RTTN: variants seen among roughly 807,000 people sequenced by gnomAD.
The protein encoded by RTTN is rotatin.
A neutral mutation model predicts 269.2 loss-of-function variants in RTTN; 182 were observed. That is an observed-to-expected ratio of 0.68 (90% CI 0.60 to 0.76). The LOEUF (loss-of-function observed/expected upper bound fraction) is 0.76, where lower values mean the gene tolerates loss of function less well. Among genes scored for constraint, RTTN ranks in the 30% least tolerant of loss-of-function variants. The pLI, the probability that RTTN is intolerant of heterozygous loss-of-function variation, is 0.00. For missense variants in RTTN, 2,545 were observed against 2,608.6 expected (o/e 0.98, Z 0.53); for synonymous variants, 1,006 against 963.5 (o/e 1.04, Z -0.82).
chr18:70,027,718 G>T lies in RTTN; in HGVS notation c.5823+1006C>A, dbSNP rs538548144. 3.4e-4 allele frequency among the ~76,000 whole-genome samples: 51 copies of T among 152,180 alleles called. 1 individual carries two copies. In the South Asian group the frequency reaches 8.5e-3, roughly 25 times the overall value. ...TGAAGGAATCATTAAGTTTATTAAT[G>T]GCACTTTTGTCTTGAGAAAAAGTTC... On this transcript the variant is annotated intron_variant, in intron 43 of 48. Transcript: ENST00000640769.
At chr18:70,036,017 A>C (rs1421614047) in intron 40 of RTTN, among the ~76,000 whole-genome samples, 1 of 152,212 alleles carries the variant, frequency 6.6e-6, no homozygotes, top group Non-Finnish European at 1.5e-5. Flanking sequence ...ATCTCACACC[A>C]GTCAGAATGG....
At chr18:70,148,505 T>C (rs933231746) in intron 17 of RTTN, among the ~76,000 whole-genome samples, 9 of 152,202 alleles carry the variant, frequency 5.9e-5, no homozygotes, top group African/African-American at 1.9e-4. Context: ...ACTATACTTA[T>C]GAAAAACTGA....
intron 40 of RTTN, among the ~76,000 whole-genome samples, chr18:70,046,172 G>T (rs2057486320): frequency 6.6e-6 from 1 of 152,106 alleles, no homozygotes; most frequent in African/African-American, 2.4e-5. Flanking sequence ...CAACATTAAA[G>T]AGTTGGGAAA....
intron 28 of RTTN, among the ~76,000 whole-genome samples, chr18:70,101,315 G>A (rs932046559): frequency 6.6e-6 from 1 of 152,168 alleles, no homozygotes; most frequent in African/African-American, 2.4e-5. Context: ...GAGGGTGTAT[G>A]TGTCCAGAAA....
intron 28 of RTTN, among the ~76,000 whole-genome samples, chr18:70,093,554 G>C (rs1443006280): frequency 2.0e-5 from 3 of 152,176 alleles, no homozygotes; most frequent in Admixed American, 2.0e-4. Context: ...CATCTATTGA[G>C]ATAATCATGT....
At chr18:70,114,361 G>A in intron 27 of RTTN, 84 bp downstream of exon 27, 1 of 1,202,138 alleles carries the variant, frequency 8.3e-7, no homozygotes, top group East Asian at 2.4e-5. Flanking sequence ...TAATTTGAAA[G>A]AAGTACAAAG....
At chr18:70,142,818 T>TA (rs2060292032) in intron 18 of RTTN, among the ~76,000 whole-genome samples, 1 of 152,110 alleles carries the variant, frequency 6.6e-6, no homozygotes, top group Admixed American at 6.6e-5. Flanking sequence ...ACCCCATCTC[T>TA]ACTAGAAACA....
At chr18:70,108,838 T>C (rs1434406429) in intron 28 of RTTN, among the ~76,000 whole-genome samples, 1 of 140,656 alleles carries the variant, frequency 7.1e-6, no homozygotes, top group Non-Finnish European at 1.6e-5. Context: ...AAAAGAAAAC[T>C]TCCTTAACTT....
intron 39 of RTTN, among the ~76,000 whole-genome samples, chr18:70,048,788 T>C (rs867222832): frequency 3.9e-5 from 6 of 152,060 alleles, no homozygotes; most frequent in Non-Finnish European, 7.4e-5. Flanking sequence ...AAGACTCTTA[T>C]AGATAACACA....
chr18:70,173,970 A>G (rs1034717696), intron 11 of RTTN, among the ~76,000 whole-genome samples: 31 of 152,174 alleles, frequency 2.0e-4, no homozygotes, highest in African/African-American at 7.5e-4. Context: ...CTATAGTGAC[A>G]GAAGTCAGAA....
intron 32 of RTTN, among the ~76,000 whole-genome samples, chr18:70,086,297 C>T (rs764830801): frequency 2.6e-5 from 4 of 152,042 alleles, no homozygotes; most frequent in African/African-American, 9.7e-5. Flanking sequence ...AGTTCCTAAG[C>T]TTAGAAAATA....
At chr18:70,098,060 T>C (rs1401124325) in intron 28 of RTTN, among the ~76,000 whole-genome samples, 3 of 58,100 alleles carry the variant, frequency 5.2e-5, no homozygotes, top group Admixed American at 4.8e-4. Context: ...CAAAAAATGC[T>C]ATAAACTAGG....
At chr18:70,006,020 A>G (rs2056174475) in intron 47 of RTTN, 1 of 179,318 alleles carries the variant, frequency 5.6e-6, no homozygotes, top group Admixed American at 5.8e-5. Flanking sequence ...GAATTGTACA[A>G]TTGGATAAAA....
chr18:70,100,221 G>A (rs534227080), intron 28 of RTTN, among the ~76,000 whole-genome samples: 157 of 152,366 alleles, frequency 1.0e-3, no homozygotes, highest in Middle Eastern at 0.01. Flanking sequence ...AGCATGGAAT[G>A]TTCTTCCATT....
At chr18:70,111,833 A>G (rs932840260) in intron 27 of RTTN, among the ~76,000 whole-genome samples, 1 of 152,154 alleles carries the variant, frequency 6.6e-6, no homozygotes, top group African/African-American at 2.4e-5. Context: ...AAGAATGCAT[A>G]ATCATCAAGA....
At chr18:70,087,904 A>G in intron 31 of RTTN, 85 bp downstream of exon 31, 1 of 1,402,526 alleles carries the variant, frequency 7.1e-7, no homozygotes, top group Non-Finnish European at 9.9e-7. Context: ...TGGTCAGTCC[A>G]CCATGTTGAG....
In RTTN at chr18:70,089,585, T is replaced by C. The variant is rs149442896; in HGVS notation, c.4144-1438A>G. Among the ~76,000 whole-genome samples, 693 of 152,272 alleles carry C rather than the reference T, an allele frequency of 4.6e-3. 6 individuals are homozygous for C. Among genetic ancestry groups the C allele is most frequent in the African/African-American group, 0.016 (655 of 41,558 alleles). On this transcript the variant is annotated intron_variant, in intron 30 of 48. Coordinates refer to ENST00000640769, the MANE Select transcript of RTTN (RefSeq NM_173630.4). ...AGTGACTTTGGCACTGGGTAATGGG[T>C]TACAGGCTAGAAGAGTTTTGAGGTG...
Position 70,109,609 on chromosome 18 carries a change from C to A in RTTN, c.3792G>T (p.Glu1264Asp). The A allele has an allele frequency of 6.2e-7, 1 of 1,614,066 alleles. No homozygotes were observed. The highest frequency in any genetic ancestry group is 8.5e-7 in the Non-Finnish European group (1 of 1,180,024). Reference sequence around the variant, plus strand: ...GGTTAGCCATCCCTCGTAAGGTCCGCTCAAGGGACGGCAGGCCATAGAAAT... The same window carrying A: ...GGTTAGCCATCCCTCGTAAGGTCCGATCAAGGGACGGCAGGCCATAGAAAT... ...APHFYGLPSL[E>D]RTLRGMANLT... Residue 1264 changes from glutamate (E) to aspartate (D), a missense_variant, in exon 28 of 49, where the codon GAG (glutamate) becomes GAT (aspartate). By Grantham distance (45) the Glu-to-Asp change is conservative. Transcript: ENST00000640769.
chr18:70,199,644 G>A (rs1020280485), intron 4 of RTTN, 140 bp from the exon 5 acceptor site: 4 of 549,514 alleles, frequency 7.3e-6, no homozygotes, highest in South Asian at 4.3e-5. Flanking sequence ...TACCAAACAA[G>A]GTCAGCTGCA....
Sources: gnomAD v4.1 joint callset for allele counts (sites outside exome capture counted in the v4.1 genomes callset) on GRCh38, gnomAD v4.1.1 for gene constraint, MANE v1.5 for transcripts, NCBI Gene and HGNC (gene_info 2026-07-23, HGNC 2026-07-21) for gene names.